UNC13C: variants seen among roughly 807,000 people sequenced by gnomAD.
The protein encoded by UNC13C is protein unc-13 homolog C.
A neutral mutation model predicts 245.4 loss-of-function variants in UNC13C; 174 were observed. The observed-to-expected ratio is 0.71, with a 90% CI of 0.63 to 0.80. UNC13C has a LOEUF of 0.80. UNC13C is among the 30% of genes least tolerant of loss of function. UNC13C has a pLI of 0.00. For synonymous variants in UNC13C, 992 were observed against 895.1 expected, an observed-to-expected ratio of 1.11 and a Z score of -1.93; for missense variants, 2,829 against 2,602.9, an observed-to-expected ratio of 1.09 and a Z score of -1.89.
At chr15:54,132,081 T>TC (rs60677444) in intron 2 of UNC13C, among the ~76,000 whole-genome samples, 2 of 146,404 alleles carry the variant, frequency 1.4e-5, no homozygotes, top group African/African-American at 2.5e-5. Flanking sequence ...TTTCTTTTTT[T>TC]TTTTTGACAG....
At chr15:54,297,648 A>G (rs899637447) in intron 11 of UNC13C, among the ~76,000 whole-genome samples, 163 bp from the exon 12 acceptor site, 9 of 152,338 alleles carry the variant, frequency 5.9e-5, no homozygotes, top group African/African-American at 1.4e-4. Flanking sequence ...GCTACCACAT[A>G]TGGCCTCATC....
At chr15:54,252,467 G>C (rs2036176628) in intron 8 of UNC13C, among the ~76,000 whole-genome samples, 1 of 152,084 alleles carries the variant, frequency 6.6e-6, no homozygotes, top group Non-Finnish European at 1.5e-5. Context: ...GCCCCAGGGA[G>C]GGTTTTTATA....
At chr15:54,492,423 A>G (rs905821504) in intron 19 of UNC13C, among the ~76,000 whole-genome samples, 1 of 152,198 alleles carries the variant, frequency 6.6e-6, no homozygotes, top group African/African-American at 2.4e-5. Flanking sequence ...AAAAATAAAA[A>G]CTATTGACCA....
At chr15:54,111,125 A>T (rs570527178) in intron 2 of UNC13C, among the ~76,000 whole-genome samples, 1 of 152,298 alleles carries the variant, frequency 6.6e-6, no homozygotes, top group East Asian at 1.9e-4. Flanking sequence ...ATTAAACATA[A>T]TTATTCTTTC....
chr15:53,980,894 C>A (rs563578295), intron 1 of UNC13C, among the ~76,000 whole-genome samples: 4 of 152,224 alleles, frequency 2.6e-5, no homozygotes, highest in Non-Finnish European at 4.4e-5. Context: ...AAATGTGAAG[C>A]AATATAGTTT....
the UNC13C span, among the ~76,000 whole-genome samples, chr15:53,924,765 C>A: frequency 6.6e-6 from 1 of 152,138 alleles, no homozygotes; most frequent in Non-Finnish European, 1.5e-5. Context: ...AAATCAAAGA[C>A]TTTTGAACAC....
intron 4 of UNC13C, among the ~76,000 whole-genome samples, chr15:54,213,166 A>G (rs947063721): frequency 3.9e-5 from 6 of 152,048 alleles, no homozygotes; most frequent in African/African-American, 1.2e-4. Context: ...GTTTTAAAAG[A>G]TGAATATTCC....
At chr15:54,603,383 A>C (rs964118503) in intron 30 of UNC13C, among the ~76,000 whole-genome samples, 1 of 152,176 alleles carries the variant, frequency 6.6e-6, no homozygotes, top group Non-Finnish European at 1.5e-5. Context: ...GCTTTTGAAG[A>C]ACACACCCTG....
Position 54,393,031 on chromosome 15 carries a change from C to G in UNC13C, c.4714-17C>G, listed in dbSNP as rs1232552762. On this transcript the variant is annotated splice_polypyrimidine_tract_variant and intron_variant, in intron 17 of 32. Coordinates refer to ENST00000260323, the MANE Select transcript of UNC13C (RefSeq NM_001080534.3). ...ATTTAACCTTTTCTTTTGCATGTTG[C>G]GTGAACTTGTGAGCAGAGTAAGAAA... The G allele has an allele frequency of 1.3e-6, 2 of 1,565,368 alleles. No homozygotes were observed. Among genetic ancestry groups the G allele is most frequent in the East Asian group, 2.3e-5 (1 of 43,682 alleles).
At chr15:54,140,470 A>G (rs2141232056) in intron 2 of UNC13C, among the ~76,000 whole-genome samples, 1 of 152,332 alleles carries the variant, frequency 6.6e-6, no homozygotes, top group South Asian at 2.1e-4. Context: ...ATTGCAGATA[A>G]GGAAACTGGC....
chr15:53,945,938 A>G, the UNC13C span, among the ~76,000 whole-genome samples: 4 of 152,036 alleles, frequency 2.6e-5, no homozygotes, highest in Admixed American at 1.3e-4. Flanking sequence ...AGCGTTTTGT[A>G]TCTCTCATTG....
At chr15:54,176,086 C>G (rs1212245259) in intron 4 of UNC13C, among the ~76,000 whole-genome samples, 1 of 152,046 alleles carries the variant, frequency 6.6e-6, no homozygotes, top group Non-Finnish European at 1.5e-5. Flanking sequence ...TTTTAACATG[C>G]TTCTGCATTT....
intron 2 of UNC13C, among the ~76,000 whole-genome samples, chr15:54,082,559 C>T (rs1455237276): frequency 6.6e-6 from 1 of 152,004 alleles, no homozygotes; most frequent in African/African-American, 2.4e-5. Flanking sequence ...ACTTTAAATT[C>T]TTTATCTGTC....
chr15:54,413,445 GTATT>G (rs1452307840), intron 18 of UNC13C, among the ~76,000 whole-genome samples: 1 of 152,034 alleles, frequency 6.6e-6, no homozygotes, highest in East Asian at 1.9e-4. Flanking sequence ...TGTTATGCTA[GTATT>G]TATGCTCAAA....
intron 28 of UNC13C, among the ~76,000 whole-genome samples, chr15:54,554,176 C>T (rs1422196388): frequency 6.6e-6 from 1 of 151,904 alleles, no homozygotes; most frequent in Admixed American, 6.6e-5. Context: ...TTACTGAGTG[C>T]CTAGCAGATA....
chr15:54,517,910 C>T (rs976787270), intron 24 of UNC13C, among the ~76,000 whole-genome samples: 6 of 152,128 alleles, frequency 3.9e-5, no homozygotes, highest in Non-Finnish European at 7.4e-5. Context: ...CAGAAATAAA[C>T]TCAAACCTCA....
intron 13 of UNC13C, among the ~76,000 whole-genome samples, chr15:54,311,024 A>C (rs1436053142): frequency 6.6e-6 from 1 of 151,718 alleles, no homozygotes; most frequent in Non-Finnish European, 1.5e-5. Flanking sequence ...AACATAGACT[A>C]TTGTTTTGGT....
chr15:53,880,725 A>G, the UNC13C span, among the ~76,000 whole-genome samples: 2 of 151,118 alleles, frequency 1.3e-5, no homozygotes, highest in Non-Finnish European at 2.9e-5. Context: ...AAATCATCAC[A>G]AAGAAAGAGT....
the UNC13C span, among the ~76,000 whole-genome samples, chr15:53,861,830 C>T: frequency 1.3e-5 from 2 of 152,196 alleles, no homozygotes; most frequent in South Asian, 2.1e-4. Context: ...ATGCAACTGC[C>T]TACCTTTCTC....
Sources: allele counts gnomAD v4.1 joint callset (sites outside exome capture counted in the v4.1 genomes callset), GRCh38; gene constraint gnomAD v4.1.1; transcripts MANE v1.5; gene names NCBI Gene and HGNC (gene_info 2026-07-23, HGNC 2026-07-21).